Variants in RARB observed in about 807,000 individuals in gnomAD.
The protein encoded by RARB is HBV-activated protein.
In RARB, 17 loss-of-function variants were observed where a neutral mutation model predicts 51.9. The observed-to-expected ratio is 0.33, with a 90% confidence interval of 0.22 to 0.49. The LOEUF (loss-of-function observed/expected upper bound fraction) is 0.49, where lower values mean the gene tolerates loss of function less well. Among genes scored for constraint, RARB ranks in the 20% least tolerant of loss-of-function variants. The probability of loss-of-function intolerance (pLI) is 0.99; values close to 1 mark genes in which losing one functional copy is unlikely to be tolerated. For synonymous variants in RARB, 215 were observed against 195.4 expected, an observed-to-expected ratio of 1.10 and a Z score of -0.84; for missense variants, 369 against 550.8, an observed-to-expected ratio of 0.67 and a Z score of 3.30.
chr3:25,559,496 G>A (rs188608607), intron 3 of RARB, among the ~76,000 whole-genome samples: 21 of 152,310 alleles, frequency 1.4e-4, no homozygotes, highest in African/African-American at 5.1e-4. Flanking sequence ...CTCAGTGCAT[G>A]ATAGTTATTT....
intron 3 of RARB, among the ~76,000 whole-genome samples, chr3:25,063,726 A>T (rs1463113884): frequency 9.7e-5 from 14 of 143,870 alleles, no homozygotes; most frequent in Middle Eastern, 3.5e-3. Context: ...TTTTTTTTTT[A>T]AAAAGATGAG....
intron 2 of RARB, among the ~76,000 whole-genome samples, chr3:24,972,774 G>T (rs1245489971): frequency 6.6e-6 from 1 of 151,920 alleles, no homozygotes; most frequent in Admixed American, 6.6e-5. Context: ...ATACCCCGTG[G>T]CCATTTGTAA....
chr3:25,065,351 T>C (rs1575143426), intron 3 of RARB, among the ~76,000 whole-genome samples: 4 of 152,214 alleles, frequency 2.6e-5, no homozygotes, highest in South Asian at 2.1e-4. Flanking sequence ...TTAATAACTA[T>C]GCTTTTCCTC....
chr3:25,148,945 C>CTCTG (rs10641932), intron 4 of RARB, among the ~76,000 whole-genome samples: 94,379 of 151,384 alleles, frequency 0.62, 29,567 homozygotes, highest in East Asian at 0.73. Context: ...ACATTCCTCT[C>CTCTG]TCTGGCCTAT....
At chr3:25,270,061 A>G (rs73047816) in intron 5 of RARB, among the ~76,000 whole-genome samples, 15,444 of 152,262 alleles carry the variant, frequency 0.1, 1,001 homozygotes, top group Non-Finnish European at 0.15. Context: ...GCTGGTGGGA[A>G]CAGAAAATGC....
chr3:25,486,578 T>C (rs1198687387), intron 2 of RARB, among the ~76,000 whole-genome samples: 1 of 152,210 alleles, frequency 6.6e-6, no homozygotes, highest in Non-Finnish European at 1.5e-5. Context: ...GCTAGAGTTA[T>C]GACAGGTCTT....
At chr3:24,857,198 C>G (rs937069643) in intron 1 of RARB, among the ~76,000 whole-genome samples, 1 of 152,140 alleles carries the variant, frequency 6.6e-6, no homozygotes. Flanking sequence ...TAAAATTTCT[C>G]CTTACAGTCC....
intron 2 of RARB, among the ~76,000 whole-genome samples, chr3:25,497,422 C>T (rs527843367): frequency 6.6e-6 from 1 of 152,264 alleles, no homozygotes; most frequent in East Asian, 1.9e-4. Flanking sequence ...GCAAATACCA[C>T]CTCTTCTTTC....
At chr3:25,027,316 A>G (rs1056267132) in intron 2 of RARB, among the ~76,000 whole-genome samples, 1 of 152,180 alleles carries the variant, frequency 6.6e-6, no homozygotes, top group Non-Finnish European at 1.5e-5. Flanking sequence ...TCCTGGGGTC[A>G]GGTGACCTGA....
At chr3:25,079,968 T>A (rs919608295) in intron 3 of RARB, among the ~76,000 whole-genome samples, 1 of 152,122 alleles carries the variant, frequency 6.6e-6, no homozygotes, top group Non-Finnish European at 1.5e-5. Context: ...AATTTGTCAT[T>A]TGTCTGTTTT....
chr3:25,318,586 A>G (rs568659418), intron 5 of RARB, among the ~76,000 whole-genome samples: 1 of 152,198 alleles, frequency 6.6e-6, no homozygotes, highest in East Asian at 1.9e-4. Flanking sequence ...GTGTCATTAC[A>G]CTTGGAAATG....
intron 3 of RARB, among the ~76,000 whole-genome samples, chr3:25,116,713 C>A (rs1340826589): frequency 6.6e-6 from 1 of 151,938 alleles, no homozygotes; most frequent in East Asian, 1.9e-4. Flanking sequence ...TGGCAGTTAC[C>A]TCTCACCTCT....
intron 5 of RARB, among the ~76,000 whole-genome samples, chr3:25,390,966 T>C (rs972508240): frequency 4.6e-4 from 70 of 152,120 alleles, no homozygotes; most frequent in African/African-American, 1.7e-3. Flanking sequence ...AAGTTCTTAG[T>C]GGTGATTTCC....
At chr3:25,450,538 T>C (rs1264933442) in intron 1 of RARB, among the ~76,000 whole-genome samples, 2 of 152,110 alleles carry the variant, frequency 1.3e-5, no homozygotes, top group African/African-American at 4.8e-5. Flanking sequence ...TTGTCCCCAC[T>C]CTTTGGTCCC....
chr3:25,220,803 T>C (rs905799613), intron 5 of RARB, among the ~76,000 whole-genome samples: 44 of 152,270 alleles, frequency 2.9e-4, no homozygotes, highest in African/African-American at 9.9e-4. Flanking sequence ...AGTGTGAAAA[T>C]TGATGAATAC....
intron 2 of RARB, among the ~76,000 whole-genome samples, chr3:24,995,797 C>A (rs1697008759): frequency 6.6e-6 from 1 of 152,026 alleles, no homozygotes; most frequent in Non-Finnish European, 1.5e-5. Context: ...ATCCTTGTAT[C>A]CCTGGGATAA....
chr3:24,853,181 G>T (rs1043125395), intron 1 of RARB, among the ~76,000 whole-genome samples: 1 of 151,820 alleles, frequency 6.6e-6, no homozygotes, highest in Non-Finnish European at 1.5e-5. Context: ...GCCAGGCATG[G>T]TGGCAGGCAC....
upstream of RARB, among the ~76,000 whole-genome samples, chr3:25,425,617 A>G (rs1331677743): frequency 2.0e-5 from 3 of 152,182 alleles, no homozygotes; most frequent in Admixed American, 6.5e-5. Flanking sequence ...ACTTCAAGGT[A>G]ATTATATATT....
chr3:25,277,423 GA>G, intron 5 of RARB, among the ~76,000 whole-genome samples: 1 of 152,278 alleles, frequency 6.6e-6, no homozygotes, highest in Non-Finnish European at 1.5e-5. Flanking sequence ...AGACACAAGT[GA>G]AATCGCCTAT....
Sources: allele counts gnomAD v4.1 joint callset (sites outside exome capture counted in the v4.1 genomes callset), GRCh38; gene constraint gnomAD v4.1.1; transcripts MANE v1.5; gene names NCBI Gene and HGNC (gene_info 2026-07-23, HGNC 2026-07-21).